The following NLRP4 variants were observed in gnomAD, a reference collection of about 807,000 sequenced individuals.
NLRP4 encodes the protein NACHT, LRR and PYD domains-containing protein 4.
A neutral mutation model predicts 84.7 loss-of-function variants in NLRP4; 44 were observed. The observed-to-expected ratio is 0.52, with a 90% CI of 0.41 to 0.67. NLRP4 has a LOEUF of 0.67. NLRP4 is among the 30% of genes least tolerant of loss of function. The pLI is 0.00. For missense variants in NLRP4, 1,260 were observed against 1,219.4 expected, an observed-to-expected ratio of 1.03 and a Z score of -0.50; for synonymous variants, 544 against 476.4, an observed-to-expected ratio of 1.14 and a Z score of -1.85.
intron 9 of NLRP4, among the ~76,000 whole-genome samples, chr19:55,881,221 A>AT (rs1985577005): frequency 6.6e-6 from 1 of 150,904 alleles, no homozygotes; most frequent in South Asian, 2.1e-4. Context: ...AAAATTGGCC[A>AT]TGATTGCCTT....
In NLRP4 at chr19:55,857,805, C is replaced by G; in HGVS notation, c.412C>G (p.Leu138Val). Residue 138 changes from leucine (L) to valine (V), a missense_variant, in exon 3 of 10, where the codon CTT (leucine) becomes GTT (valine). Coordinates refer to ENST00000301295, the MANE Select transcript of NLRP4 (RefSeq NM_134444.5). ...KQEECDHLDR[L>V]FAPKEAGKQP... ...AGAAGAATGTGACCATTTGGACCGC[C>G]TTTTTGCTCCCAAGGAAGCTGGGAA... 1 of 1,614,012 alleles carries G rather than the reference C, an allele frequency of 6.2e-7. No homozygotes were observed. Among genetic ancestry groups the G allele is most frequent in the South Asian group, 1.1e-5 (1 of 91,066 alleles).
At position 55,853,965 on chromosome 19, in the gene NLRP4, C is replaced by T. The variant is rs1361331869; in HGVS notation, c.280+1605C>T. Among the ~76,000 whole-genome samples the T allele has an allele frequency of 2.0e-5, 3 of 148,976 alleles. No individual in the cohort carries two copies. In the East Asian group the frequency reaches 6.1e-4, roughly 30 times the overall value. On this transcript the variant is annotated intron_variant, in intron 2 of 9. Coordinates refer to ENST00000301295, the MANE Select transcript of NLRP4 (RefSeq NM_134444.5). ...TTTCTGTCTTTCTCTCTATTTCTCT[C>T]TTTCCTTCTTTCTTTCTTCTTTGAT...
intron 1 of NLRP4, 24 bp from the exon 2 acceptor site, chr19:55,851,992 G>A: frequency 1.1e-6 from 1 of 903,238 alleles, no homozygotes; most frequent in Non-Finnish European, 1.8e-6. Context: ...GTAATAACTT[G>A]GCACTGTCCT....
At chr19:55,838,158 C>A (rs956659961) in intron 1 of NLRP4, among the ~76,000 whole-genome samples, 2 of 142,314 alleles carry the variant, frequency 1.4e-5, no homozygotes, top group Non-Finnish European at 3.1e-5. Flanking sequence ...AAAAATTAGC[C>A]AACTGTGGTG....
At chr19:55,849,003 G>C (rs969205225) in intron 1 of NLRP4, among the ~76,000 whole-genome samples, 3 of 151,952 alleles carry the variant, frequency 2.0e-5, no homozygotes, top group Non-Finnish European at 4.4e-5. Flanking sequence ...GGCCTCCCCA[G>C]CCACATGGAA....
At chr19:55,860,415 A>T (rs1015718161) in intron 3 of NLRP4, among the ~76,000 whole-genome samples, 2 of 151,264 alleles carry the variant, frequency 1.3e-5, no homozygotes, top group African/African-American at 2.4e-5. Flanking sequence ...CTTCTACAAA[A>T]TTTTTTTTTT....
At position 55,861,382 on chromosome 19, in the gene NLRP4, A is replaced by G. The variant is rs751885509; in HGVS notation, c.1857-4A>G. 1 of 1,612,536 alleles carries G rather than the reference A, an allele frequency of 6.2e-7. No homozygotes were observed. Among genetic ancestry groups the G allele is most frequent in the Non-Finnish European group, 8.5e-7 (1 of 1,179,034 alleles). ...GTGGAAAGCTCGTCCTTTCTTGACC[A>G]CAGGTCGGATTACAGCCTCATCTGT... On this transcript the variant is annotated splice_polypyrimidine_tract_variant and splice_region_variant and intron_variant, in intron 3 of 9. Transcript: ENST00000301295.
chr19:55,871,447 G>T (rs1029888219), intron 7 of NLRP4, among the ~76,000 whole-genome samples: 1 of 152,220 alleles, frequency 6.6e-6, no homozygotes, highest in East Asian at 1.9e-4. Flanking sequence ...GAAGACAAAG[G>T]GTAGCATGAG....
chr19:55,860,135 G>A (rs932421819), intron 3 of NLRP4, among the ~76,000 whole-genome samples: 9 of 151,644 alleles, frequency 5.9e-5, no homozygotes, highest in African/African-American at 9.7e-5. Flanking sequence ...AGAGGGGCCC[G>A]CCACCACACC....
At chr19:55,874,869 A>G (rs1489651819) in intron 7 of NLRP4, among the ~76,000 whole-genome samples, 1 of 152,172 alleles carries the variant, frequency 6.6e-6, no homozygotes, top group Non-Finnish European at 1.5e-5. Context: ...AAAACACTGA[A>G]CAGAATATTA....
At position 55,858,561 on chromosome 19, in the gene NLRP4, C is replaced by G. The variant is rs780628871; in HGVS notation, c.1168C>G (p.Pro390Ala). ...ACCTGAGGGTGCCGAGGGCCCGACT[C>G]CGCAAACCCAGCACCAGCTGAAGGC... ...FTPEGAEGPT[P>A]QTQHQLKALC... Residue 390 changes from proline (P) to alanine (A), a missense_variant, in exon 3 of 10, where the codon CCG becomes GCG. Pro to Ala is a conservative substitution (Grantham distance 27). Around this residue, in one of 3 missense-constraint regions of NLRP4, gnomAD observed 712 missense variants for 669.2 expected, o/e 1.06. Transcript: ENST00000301295. This position sits in a 1 kb window ranked among gnomAD's most constrained non-coding sequence, Gnocchi z 4.2. 7 of 1,614,176 alleles carry G rather than the reference C, an allele frequency of 4.3e-6. No homozygotes were observed. In the Admixed American group the frequency reaches 1.0e-4, roughly 23 times the overall value.
Position 55,838,878 on chromosome 19 carries a change from T to C in NLRP4, c.-66+1944T>C, listed in dbSNP as rs562067048. The stretch of plus-strand genomic sequence containing the variant: ...AATGATATTATCTAATGTACAGATC[T>C]TACACTTAATGGACTTTTTAATTTT... On this transcript the variant is annotated intron_variant, in intron 1 of 9. Coordinates refer to ENST00000301295, the MANE Select transcript of NLRP4 (RefSeq NM_134444.5). Among the ~76,000 whole-genome samples the C allele has an allele frequency of 5.3e-5, 8 of 152,224 alleles. No individual in the cohort carries two copies. The East Asian group carries it at 1.5e-3, about 29-fold the overall frequency.
At chr19:55,849,028 A>G (rs931519581) in intron 1 of NLRP4, among the ~76,000 whole-genome samples, 1 of 152,084 alleles carries the variant, frequency 6.6e-6, no homozygotes, top group Non-Finnish European at 1.5e-5. Flanking sequence ...GGGTCCATTA[A>G]ACCACTTTTT....
At chr19:55,851,387 G>T (rs1401090301) in intron 1 of NLRP4, among the ~76,000 whole-genome samples, 75 of 60,150 alleles carry the variant, frequency 1.2e-3, no homozygotes, top group East Asian at 2.3e-3. Context: ...GCGGTGTAAT[G>T]TCCGAGGCTG....
At chr19:55,863,718 G>C (rs1047843791) in intron 5 of NLRP4, among the ~76,000 whole-genome samples, 19 of 152,166 alleles carry the variant, frequency 1.2e-4, no homozygotes, top group African/African-American at 4.1e-4. Context: ...ACAGGAGAAT[G>C]ATGAACCTGC....
At chr19:55,842,007 C>A (rs1179165728) in intron 1 of NLRP4, among the ~76,000 whole-genome samples, 2 of 152,158 alleles carry the variant, frequency 1.3e-5, no homozygotes, top group Admixed American at 1.3e-4. Flanking sequence ...TTAGAAACCT[C>A]CATACTGTTT....
At chr19:55,843,202 A>G (rs1983678281) in intron 1 of NLRP4, among the ~76,000 whole-genome samples, 1 of 152,176 alleles carries the variant, frequency 6.6e-6, no homozygotes, top group Non-Finnish European at 1.5e-5. Flanking sequence ...CAACCGTTCA[A>G]ATAAATTATT....
chr19:55,850,372 A>T (rs1278153432), intron 1 of NLRP4, among the ~76,000 whole-genome samples: 2 of 36,770 alleles, frequency 5.4e-5, no homozygotes, highest in African/African-American at 4.8e-4. Flanking sequence ...GTAATTTCCG[A>T]GGCTGCGGTG....
chr19:55,866,834 G>A (rs995910832), intron 5 of NLRP4, among the ~76,000 whole-genome samples: 5 of 152,170 alleles, frequency 3.3e-5, no homozygotes, highest in African/African-American at 1.2e-4. Context: ...AACCTGTGTT[G>A]TCAAGCAACT....
Sources: allele counts gnomAD v4.1 joint callset (sites outside exome capture counted in the v4.1 genomes callset), GRCh38; gene constraint gnomAD v4.1.1; regional missense constraint gnomAD v4.1.1; non-coding constraint Gnocchi (gnomAD v3.1); transcripts MANE v1.5; gene names NCBI Gene and HGNC (gene_info 2026-07-23, HGNC 2026-07-21).